CSMD1: variants seen among roughly 807,000 people sequenced by gnomAD.
CSMD1 encodes the protein CUB and sushi domain-containing protein 1.
In CSMD1, 213 loss-of-function variants were observed where a neutral mutation model predicts 417.5. That is an observed-to-expected ratio of 0.51 (90% CI 0.46 to 0.57). The LOEUF is 0.57. CSMD1 is among the 20% of genes least tolerant of loss of function. CSMD1 has a pLI of 0.00. For synonymous variants in CSMD1, 2,862 were observed against 1,736.8 expected, an observed-to-expected ratio of 1.65 and a Z score of -16.11; for missense variants, 6,923 against 4,529.7, an observed-to-expected ratio of 1.53 and a Z score of -15.17.
chr8:4,200,268 CCTT>C (rs1052023439), intron 3 of CSMD1, among the ~76,000 whole-genome samples: 62 of 152,116 alleles, frequency 4.1e-4, no homozygotes, highest in African/African-American at 1.1e-3. Flanking sequence ...ATGATAATTA[CCTT>C]TTTTCAGAGG....
In CSMD1 at chr8:4,798,710, T is replaced by TA. The variant is rs892056093; in HGVS notation, c.86-161153dup. On this transcript the variant is annotated intron_variant, in intron 1 of 69. Transcript: ENST00000635120. ...AATTTTCAGAAAAATACCAATTTGT[T>TA]AAAAAAAAGTAGAAACTTACATTTA... is the stretch of plus-strand genomic sequence containing the variant. 7.2e-4 allele frequency among the ~76,000 whole-genome samples: 110 copies of TA among 151,904 alleles called. 1 individual carries two copies. The highest frequency in any genetic ancestry group is 4.1e-4 in the Non-Finnish European group (28 of 67,968).
At chr8:3,067,360 G>A (rs564931199) in intron 49 of CSMD1, among the ~76,000 whole-genome samples, 13 of 152,162 alleles carry the variant, frequency 8.5e-5, no homozygotes, top group Non-Finnish European at 1.6e-4. Flanking sequence ...TCCAAGCATA[G>A]CCATCTCATC....
At chr8:3,906,957 A>G (rs1409982280) in intron 5 of CSMD1, among the ~76,000 whole-genome samples, 2 of 152,198 alleles carry the variant, frequency 1.3e-5, no homozygotes, top group Non-Finnish European at 2.9e-5. Flanking sequence ...GGGTAATACC[A>G]GTTATCAGAC....
chr8:4,709,598 C>G (rs1177360853), intron 1 of CSMD1, among the ~76,000 whole-genome samples: 3 of 152,126 alleles, frequency 2.0e-5, no homozygotes, highest in Non-Finnish European at 4.4e-5. Context: ...CAGAAGCTGT[C>G]CAAAGGCAAG....
At position 2,963,240 on chromosome 8, in the gene CSMD1, C is replaced by T; in HGVS notation, c.9436G>A (p.Glu3146Lys). 6.2e-7 allele frequency: 1 copy of T among 1,613,900 alleles called. No individual in the cohort carries two copies. Among genetic ancestry groups the T allele is most frequent in the African/African-American group, 1.3e-5 (1 of 75,022 alleles). Residue 3146 changes from glutamate to lysine, a missense_variant, in exon 60 of 70, where the codon GAG becomes AAG. Glu to Lys is a moderately conservative substitution (Grantham distance 56). Coordinates refer to ENST00000635120, the MANE Select transcript of CSMD1 (RefSeq NM_033225.6). ...SCEGRGVWKG[E>K]IPQCLPVFCG... ...AACTTACGGAGACACTGGGGGATCT[C>T]TCCTTTCCACACCCCGCGACCTTCA...
chr8:3,088,177 C>T (rs992670421), intron 48 of CSMD1, among the ~76,000 whole-genome samples: 1 of 152,130 alleles, frequency 6.6e-6, no homozygotes, highest in Middle Eastern at 3.2e-3. Context: ...AATAATTTTA[C>T]CCACACAGAA....
In CSMD1 at chr8:4,075,961, A is replaced by G. The variant is rs558752365; in HGVS notation, c.416-43862T>C. 1.8e-3 allele frequency among the ~76,000 whole-genome samples: 280 copies of G among 152,282 alleles called. 1 individual carries two copies. Among genetic ancestry groups the G allele is most frequent in the African/African-American group, 6.0e-3 (248 of 41,564 alleles). On this transcript the variant is annotated intron_variant, in intron 3 of 69. Transcript: ENST00000635120. ...AATAAATCAGTACTCTTTCCCTCTAAGTTTTAAAACATAGAATTGTTTCTT... is the reference window on the plus strand; with the variant it reads ...AATAAATCAGTACTCTTTCCCTCTAGGTTTTAAAACATAGAATTGTTTCTT...
intron 1 of CSMD1, among the ~76,000 whole-genome samples, chr8:4,805,080 A>C (rs895740994): frequency 6.6e-6 from 1 of 152,224 alleles, no homozygotes; most frequent in African/African-American, 2.4e-5. Flanking sequence ...CAAGTACCCA[A>C]GTATCCAACT....
intron 1 of CSMD1, among the ~76,000 whole-genome samples, chr8:4,918,402 G>C (rs541312731): frequency 6.6e-6 from 1 of 152,132 alleles, no homozygotes; most frequent in East Asian, 1.9e-4. Flanking sequence ...CCTTTCTGCC[G>C]ATTCTTGCAC....
chr8:4,763,761 C>A (rs1265916993), intron 1 of CSMD1, among the ~76,000 whole-genome samples: 1 of 152,140 alleles, frequency 6.6e-6, no homozygotes, highest in Non-Finnish European at 1.5e-5. Context: ...AGAGGCAGGG[C>A]AGTCGTTTCT....
chr8:3,299,605 C>G (rs992815513), intron 25 of CSMD1, among the ~76,000 whole-genome samples: 6 of 151,982 alleles, frequency 3.9e-5, no homozygotes, highest in Non-Finnish European at 7.4e-5. Flanking sequence ...AGGTGTAATT[C>G]TGCCTCACAA....
intron 5 of CSMD1, among the ~76,000 whole-genome samples, chr8:3,820,962 G>A (rs61376056): frequency 0.023 from 3,473 of 152,062 alleles, 136 homozygotes; most frequent in African/African-American, 0.078. Flanking sequence ...TGCTGCCCAA[G>A]CTGGAGTGCA....
chr8:3,428,674 A>T (rs1390396472), intron 12 of CSMD1, among the ~76,000 whole-genome samples: 1 of 152,118 alleles, frequency 6.6e-6, no homozygotes, highest in Non-Finnish European at 1.5e-5. Flanking sequence ...AAAAAGAACT[A>T]TCATATGATC....
At chr8:3,906,652 G>A (rs1269590062) in intron 5 of CSMD1, among the ~76,000 whole-genome samples, 2 of 148,572 alleles carry the variant, frequency 1.3e-5, no homozygotes, top group Non-Finnish European at 3.0e-5. Flanking sequence ...GATTTGCAAA[G>A]TACACCTTGC....
intron 3 of CSMD1, among the ~76,000 whole-genome samples, chr8:4,093,478 G>C (rs987555520): frequency 2.0e-5 from 3 of 152,130 alleles, no homozygotes; most frequent in Admixed American, 6.5e-5. Flanking sequence ...TTAAATAGAA[G>C]TTACATAGAT....
intron 2 of CSMD1, among the ~76,000 whole-genome samples, chr8:4,571,307 C>T (rs998417201): frequency 6.6e-6 from 1 of 152,202 alleles, no homozygotes; most frequent in Non-Finnish European, 1.5e-5. Flanking sequence ...CAGAACACTG[C>T]TTTAGCCGTG....
chr8:3,823,934 G>A (rs920070183), intron 5 of CSMD1, among the ~76,000 whole-genome samples: 2 of 151,932 alleles, frequency 1.3e-5, no homozygotes, highest in African/African-American at 4.8e-5. Context: ...TACATCTCTG[G>A]TAATTTTATA....
chr8:4,437,569 G>A (rs978933762), intron 2 of CSMD1, among the ~76,000 whole-genome samples: 1 of 152,182 alleles, frequency 6.6e-6, no homozygotes, highest in East Asian at 1.9e-4. Context: ...ATCTTGAGCA[G>A]ACTATCAGGT....
intron 3 of CSMD1, among the ~76,000 whole-genome samples, chr8:4,171,022 C>T (rs1797735167): frequency 6.6e-6 from 1 of 151,864 alleles, no homozygotes; most frequent in Non-Finnish European, 1.5e-5. Flanking sequence ...AATGGCCTTC[C>T]ATATGCAGAA....
Sources: gnomAD v4.1 joint callset for allele counts (sites outside exome capture counted in the v4.1 genomes callset) on GRCh38, gnomAD v4.1.1 for gene constraint, MANE v1.5 for transcripts, NCBI Gene and HGNC (gene_info 2026-07-23, HGNC 2026-07-21) for gene names.